The following LRP1B variants were observed in gnomAD, a reference collection of about 807,000 sequenced individuals.
LRP1B encodes the protein low-density lipoprotein receptor-related protein 1B.
In LRP1B, 217 loss-of-function variants were observed where a neutral mutation model predicts 556.6. The observed-to-expected ratio is 0.39, with a 90% CI of 0.35 to 0.44. The LOEUF (loss-of-function observed/expected upper bound fraction) is 0.44. Among genes scored for constraint, LRP1B ranks in the 20% least tolerant of loss-of-function variants. The pLI is 1.00. For synonymous variants in LRP1B, 2,047 were observed against 1,865.8 expected (o/e 1.10, Z -2.50); for missense variants, 5,053 against 5,620.8 (o/e 0.90, Z 3.23).
chr2:141,199,960 TCA>T (rs1169542589), intron 6 of LRP1B, among the ~76,000 whole-genome samples: 6 of 152,038 alleles, frequency 3.9e-5, no homozygotes, highest in African/African-American at 1.4e-4. Flanking sequence ...AAAGGAACAC[TCA>T]CACCCTGTTG....
At chr2:141,575,807 C>G (rs1686720288) in intron 2 of LRP1B, among the ~76,000 whole-genome samples, 1 of 150,454 alleles carries the variant, frequency 6.6e-6, no homozygotes, top group Non-Finnish European at 1.5e-5. Context: ...ACAGACACTT[C>G]TCAAAAGAAG....
intron 2 of LRP1B, among the ~76,000 whole-genome samples, chr2:141,799,202 C>T (rs925964608): frequency 6.6e-6 from 1 of 152,144 alleles, no homozygotes; most frequent in Non-Finnish European, 1.5e-5. Flanking sequence ...CCTTGTCTAA[C>T]CCTCTCTCTT....
intron 2 of LRP1B, among the ~76,000 whole-genome samples, chr2:141,617,852 T>G (rs1688364599): frequency 6.6e-6 from 1 of 152,174 alleles, no homozygotes; most frequent in African/African-American, 2.4e-5. Context: ...AGTAATTAAC[T>G]TTAATAGTCA....
chr2:140,796,729 A>G (rs948835719), intron 32 of LRP1B, among the ~76,000 whole-genome samples: 1 of 152,248 alleles, frequency 6.6e-6, no homozygotes, highest in Admixed American at 6.5e-5. Flanking sequence ...TTTGAAAAGT[A>G]TGATTTGAAA....
chr2:140,577,751 C>T (rs1681589438), intron 43 of LRP1B, among the ~76,000 whole-genome samples: 1 of 152,030 alleles, frequency 6.6e-6, no homozygotes, highest in South Asian at 2.1e-4. Context: ...TTTGCTAAAA[C>T]CATATTTGCT....
At chr2:140,855,421 A>T (rs1692585016) in intron 27 of LRP1B, among the ~76,000 whole-genome samples, 1 of 149,090 alleles carries the variant, frequency 6.7e-6, no homozygotes. Context: ...GGGAGGCTGA[A>T]GTGGGAGGAT....
intron 1 of LRP1B, among the ~76,000 whole-genome samples, chr2:142,089,768 A>G (rs939845220): frequency 6.6e-6 from 1 of 152,218 alleles, no homozygotes; most frequent in African/African-American, 2.4e-5. Flanking sequence ...AAGAAACCAT[A>G]AATTTAAATT....
intron 41 of LRP1B, among the ~76,000 whole-genome samples, chr2:140,673,761 C>T (rs1460086106): frequency 6.6e-6 from 1 of 152,020 alleles, no homozygotes; most frequent in Non-Finnish European, 1.5e-5. Context: ...CGGGCCGTGA[C>T]AGAAAGTGAG....
intron 2 of LRP1B, among the ~76,000 whole-genome samples, chr2:141,750,172 C>G (rs1281164705): frequency 1.3e-5 from 2 of 152,138 alleles, no homozygotes; most frequent in African/African-American, 4.8e-5. Flanking sequence ...GAAGCACCAT[C>G]TCCTTTCATG....
chr2:140,583,171 C>CTTTTTTTTTT (rs1219194754), intron 43 of LRP1B, among the ~76,000 whole-genome samples: 108 of 47,952 alleles, frequency 2.3e-3, no homozygotes, highest in Non-Finnish European at 3.0e-3. Flanking sequence ...CCTTTTTTTT[C>CTTTTTTTTTT]TTTTTTTTTT....
intron 7 of LRP1B, among the ~76,000 whole-genome samples, chr2:141,098,658 A>G (rs1310877769): frequency 6.6e-6 from 1 of 150,832 alleles, no homozygotes; most frequent in African/African-American, 2.4e-5. Flanking sequence ...TTATCTGTAG[A>G]TTGACTGATT....
chr2:140,366,023 C>A (rs1248757594), intron 71 of LRP1B, among the ~76,000 whole-genome samples: 2 of 151,676 alleles, frequency 1.3e-5, no homozygotes, highest in African/African-American at 4.8e-5. Context: ...TCTGATAATT[C>A]ACATCCAGTA....
chr2:140,845,242 G>A (rs570144968), intron 29 of LRP1B, among the ~76,000 whole-genome samples: 2 of 152,262 alleles, frequency 1.3e-5, no homozygotes, highest in South Asian at 4.1e-4. Flanking sequence ...CACTGTGCTA[G>A]TAAAGATTAG....
chr2:141,771,603 A>C (rs1383753276), intron 2 of LRP1B, among the ~76,000 whole-genome samples: 1 of 152,076 alleles, frequency 6.6e-6, no homozygotes, highest in African/African-American at 2.4e-5. Context: ...TTTTTTTAAG[A>C]AATTGATTTT....
intron 43 of LRP1B, among the ~76,000 whole-genome samples, chr2:140,594,073 G>A (rs1261537245): frequency 1.3e-5 from 2 of 151,974 alleles, no homozygotes; most frequent in African/African-American, 2.4e-5. Flanking sequence ...CACCTCCTGG[G>A]TTCAAGCGAT....
chr2:140,382,086 C>T (rs1319643451), intron 67 of LRP1B, among the ~76,000 whole-genome samples: 1 of 152,036 alleles, frequency 6.6e-6, no homozygotes, highest in Non-Finnish European at 1.5e-5. Context: ...GACTTTTGGA[C>T]TTCAGTTTCT....
chr2:142,040,703 A>G (rs540620672), intron 1 of LRP1B, among the ~76,000 whole-genome samples: 11 of 151,422 alleles, frequency 7.3e-5, no homozygotes, highest in African/African-American at 2.4e-4. Context: ...TTTTTATTAA[A>G]TAGCCTTTGT....
At chr2:141,298,671 G>A (rs1291418306) in intron 3 of LRP1B, among the ~76,000 whole-genome samples, 1 of 151,984 alleles carries the variant, frequency 6.6e-6, no homozygotes, top group Non-Finnish European at 1.5e-5. Flanking sequence ...AACTGTAAGT[G>A]AGGCCAGGCG....
chr2:141,534,026 C>T (rs919648936), intron 2 of LRP1B, among the ~76,000 whole-genome samples: 8 of 145,604 alleles, frequency 5.5e-5, no homozygotes, highest in Non-Finnish European at 1.1e-4. Context: ...CATACACACA[C>T]GAGAGAGAAG....
Sources: gnomAD v4.1 joint callset for allele counts (sites outside exome capture counted in the v4.1 genomes callset) on GRCh38, gnomAD v4.1.1 for gene constraint, MANE v1.5 for transcripts, NCBI Gene and HGNC (gene_info 2026-07-23, HGNC 2026-07-21) for gene names.